The following ASCC3 variants were observed in gnomAD, a reference collection of about 807,000 sequenced individuals.
The protein encoded by ASCC3 is ASC-1 complex subunit P200.
Under a neutral mutation model 256.3 loss-of-function variants are expected in ASCC3, and 158 were observed. That is an observed-to-expected ratio of 0.62 (90% confidence interval 0.54 to 0.70). ASCC3 has a LOEUF of 0.70. Ranked by LOEUF, ASCC3 falls within the 30% of genes least tolerant of loss-of-function variation. The pLI is 0.00. For synonymous variants in ASCC3, 948 were observed against 883.4 expected (o/e 1.07, Z -1.30); for missense variants, 2,259 against 2,626.0 (o/e 0.86, Z 3.05).
At position 100,679,685 on chromosome 6, in the gene ASCC3, T is replaced by C. The variant is rs1055471598; in HGVS notation, c.2219A>G (p.Lys740Arg). ...RTAMSLIERAKNCGHIPFFFP... is the reference protein window; with the variant it reads ...RTAMSLIERARNCGHIPFFFP... ...AAAGAAGGGAATATGGCCACAATTT[T>C]TTGCTCTTTCTATTAGAGACATAGC... Residue 740 changes from lysine to arginine, a missense_variant, in exon 14 of 42, where the codon AAA (lysine) becomes AGA (arginine). This residue lies in a region of ASCC3 where 1,839 missense variants were observed against 2,206.7 expected (regional missense o/e 0.83). Coordinates refer to ENST00000369162, the MANE Select transcript of ASCC3 (RefSeq NM_006828.4). The C allele has an allele frequency of 6.2e-7, 1 of 1,613,746 alleles. No homozygotes were observed. Among genetic ancestry groups the C allele is most frequent in the Non-Finnish European group, 8.5e-7 (1 of 1,179,746 alleles).
chr6:100,722,319 T>C (rs1280180832), intron 11 of ASCC3, among the ~76,000 whole-genome samples: 1 of 151,824 alleles, frequency 6.6e-6, no homozygotes, highest in Non-Finnish European at 1.5e-5. Flanking sequence ...CTATTTGGGC[T>C]CTTTTTTTGG....
chr6:100,720,656 T>C (rs1318106332), intron 11 of ASCC3, among the ~76,000 whole-genome samples: 3 of 151,820 alleles, frequency 2.0e-5, no homozygotes. Flanking sequence ...CGCTTTAATA[T>C]TAGTAGTCTT....
At chr6:100,617,892 G>A (rs542157994) in intron 30 of ASCC3, among the ~76,000 whole-genome samples, 1 of 152,264 alleles carries the variant, frequency 6.6e-6, no homozygotes, top group Non-Finnish European at 1.5e-5. Context: ...AGTCTCATGT[G>A]CTTACCTTGG....
chr6:100,880,685 T>C (rs1340460092), intron 1 of ASCC3, among the ~76,000 whole-genome samples: 1 of 152,218 alleles, frequency 6.6e-6, no homozygotes, highest in Non-Finnish European at 1.5e-5. Flanking sequence ...GAGGAAGATT[T>C]CTTTCCCCAA....
chr6:100,602,726 T>C (rs1158417920), intron 33 of ASCC3, among the ~76,000 whole-genome samples: 2 of 152,088 alleles, frequency 1.3e-5, no homozygotes, highest in Non-Finnish European at 2.9e-5. Flanking sequence ...TTAGGTGTTG[T>C]GGAGTACACA....
chr6:100,787,939 ATGAC>A (rs1769169642), intron 8 of ASCC3, among the ~76,000 whole-genome samples: 1 of 151,926 alleles, frequency 6.6e-6, no homozygotes, highest in African/African-American at 2.4e-5. Context: ...TTGCTTACAT[ATGAC>A]CAAAAAGCAT....
At position 100,662,040 on chromosome 6, in the gene ASCC3, GA is replaced by G; in HGVS notation, c.2479-11del. 1 of 1,611,006 alleles carries G rather than the reference GA, an allele frequency of 6.2e-7. No homozygotes were observed. The highest frequency in any genetic ancestry group is 8.5e-7 in the Non-Finnish European group (1 of 1,177,932). The stretch of plus-strand genomic sequence containing the variant: ...CATATATTTGTGTTCCCTAGATGAG[GA>G]AAAGTTAACAAAAATTTACATAAAC... On this transcript the variant is annotated splice_polypyrimidine_tract_variant and intron_variant, in intron 15 of 41. Transcript: ENST00000369162.
At chr6:100,650,821 A>C (rs1775631805) in intron 19 of ASCC3, 107 bp from the exon 20 acceptor site, 1 of 902,332 alleles carries the variant, frequency 1.1e-6, no homozygotes, top group Non-Finnish European at 1.7e-6. Flanking sequence ...ATTTACTATA[A>C]TGCAGCATTT....
chr6:100,673,948 T>C (rs370958768), intron 14 of ASCC3, among the ~76,000 whole-genome samples: 1 of 152,170 alleles, frequency 6.6e-6, no homozygotes, highest in East Asian at 1.9e-4. Flanking sequence ...CTTTGGAACG[T>C]CCTTTCCCTG....
Position 100,742,177 on chromosome 6 carries a change from C to CAT in ASCC3, c.1738-16476_1738-16475dup, listed in dbSNP as rs550762075. 2.9e-3 allele frequency among the ~76,000 whole-genome samples: 435 copies of CAT among 152,276 alleles called. 1 individual carries two copies. Among genetic ancestry groups the CAT allele is most frequent in the Non-Finnish European group, 4.8e-3 (325 of 68,028 alleles). On this transcript the variant is annotated intron_variant, in intron 10 of 41. Coordinates refer to ENST00000369162, the MANE Select transcript of ASCC3 (RefSeq NM_006828.4). ...AGATCCTAGTTGGCTCAGTTTTACT[C>CAT]ATACCTGGAGGTATCACCAGCAGTG...
intron 10 of ASCC3, among the ~76,000 whole-genome samples, chr6:100,766,341 T>C (rs1036655168): frequency 6.6e-6 from 1 of 152,136 alleles, no homozygotes; most frequent in African/African-American, 2.4e-5. Flanking sequence ...CCTAACCATA[T>C]TTGAGATGCA....
At chr6:100,850,013 C>T (rs6931410) in intron 3 of ASCC3, among the ~76,000 whole-genome samples, 105,804 of 149,864 alleles carry the variant, frequency 0.71, 37,561 homozygotes, top group East Asian at 0.75. Context: ...GGCAGGAGGA[C>T]CGCTTGAACC....
intron 10 of ASCC3, among the ~76,000 whole-genome samples, chr6:100,752,316 G>A (rs941748219): frequency 2.6e-5 from 4 of 152,052 alleles, no homozygotes; most frequent in Admixed American, 1.3e-4. Flanking sequence ...GGAGGGCAAA[G>A]CTAATGAGAT....
intron 14 of ASCC3, 90 bp downstream of exon 14, chr6:100,679,528 G>T: frequency 6.4e-7 from 1 of 1,573,238 alleles, no homozygotes; most frequent in South Asian, 1.1e-5. Context: ...TTAACTTCTT[G>T]GAAATTGAGA....
chr6:100,569,160 G>A (rs1770450205), intron 36 of ASCC3, among the ~76,000 whole-genome samples: 2 of 152,072 alleles, frequency 1.3e-5, no homozygotes, highest in South Asian at 2.1e-4. Flanking sequence ...TTTTGTATAT[G>A]GTGAAAGGTA....
At chr6:100,751,410 C>T (rs116843850) in intron 10 of ASCC3, among the ~76,000 whole-genome samples, 229 of 151,938 alleles carry the variant, frequency 1.5e-3, no homozygotes, top group Non-Finnish European at 2.7e-3. Flanking sequence ...CTGACAAATA[C>T]GGTCATAAAT....
chr6:100,825,167 C>T (rs1771235757), intron 4 of ASCC3, among the ~76,000 whole-genome samples: 1 of 152,126 alleles, frequency 6.6e-6, no homozygotes, highest in Non-Finnish European at 1.5e-5. Context: ...GTTTTTCAAG[C>T]TTGTCCAACC....
chr6:100,864,909 C>T (rs1773408121), intron 2 of ASCC3, among the ~76,000 whole-genome samples: 1 of 152,106 alleles, frequency 6.6e-6, no homozygotes, highest in Admixed American at 6.5e-5. Flanking sequence ...GACCACAGAA[C>T]ACAATAAAAA....
At chr6:100,663,929 A>AG (rs1303349097) in intron 14 of ASCC3, among the ~76,000 whole-genome samples, 1 of 152,054 alleles carries the variant, frequency 6.6e-6, no homozygotes, top group African/African-American at 2.4e-5. Context: ...CCCATGGATA[A>AG]GGGGGGACTA....
Sources: allele counts gnomAD v4.1 joint callset (sites outside exome capture counted in the v4.1 genomes callset), GRCh38; gene constraint gnomAD v4.1.1; regional missense constraint gnomAD v4.1.1; transcripts MANE v1.5; gene names NCBI Gene and HGNC (gene_info 2026-07-23, HGNC 2026-07-21).